HDAC9: variants seen among roughly 807,000 people sequenced by gnomAD.
HDAC9 encodes MEF-2 interacting transcription repressor (MITR) protein.
Under a neutral mutation model 139.4 loss-of-function variants are expected in HDAC9, and 41 were observed. That is an observed-to-expected ratio of 0.29 (90% CI 0.23 to 0.38). The LOEUF (loss-of-function observed/expected upper bound fraction) is 0.38, where lower values mean the gene tolerates loss of function less well. HDAC9 is among the 10% of genes least tolerant of loss of function. The pLI, the probability that HDAC9 is intolerant of heterozygous loss-of-function variation, is 1.00. For missense variants in HDAC9, 1,147 were observed against 1,297.0 expected, an observed-to-expected ratio of 0.88 and a Z score of 1.78; for synonymous variants, 517 against 476.2, an observed-to-expected ratio of 1.09 and a Z score of -1.12.
intron 22 of HDAC9, among the ~76,000 whole-genome samples, chr7:18,911,734 T>A (rs1182595497): frequency 6.6e-6 from 1 of 152,044 alleles, no homozygotes; most frequent in Non-Finnish European, 1.5e-5. Flanking sequence ...TAAATTTCCT[T>A]TTTAAATTCT....
At chr7:18,569,521 C>T (rs1346126971) in intron 2 of HDAC9, among the ~76,000 whole-genome samples, 3 of 152,120 alleles carry the variant, frequency 2.0e-5, no homozygotes, top group African/African-American at 4.8e-5. Context: ...AGACTGATAT[C>T]TCAGAGCTGT....
At chr7:18,406,482 C>G (rs1308112686) in intron 1 of HDAC9, among the ~76,000 whole-genome samples, 2 of 152,078 alleles carry the variant, frequency 1.3e-5, no homozygotes, top group African/African-American at 4.8e-5. Context: ...CAAGCTCCGC[C>G]TCCCGGGTTT....
At chr7:18,413,682 G>C (rs1585724362) in intron 1 of HDAC9, among the ~76,000 whole-genome samples, 2 of 152,190 alleles carry the variant, frequency 1.3e-5, no homozygotes, top group Admixed American at 6.5e-5. Context: ...TGTATACATA[G>C]AGGAATAGAT....
intron 23 of HDAC9, among the ~76,000 whole-genome samples, chr7:18,937,714 G>C (rs10242218): frequency 0.041 from 6,215 of 152,242 alleles, 400 homozygotes; most frequent in African/African-American, 0.14. Flanking sequence ...GCTTACACCA[G>C]ATGTGCAGAC....
At chr7:18,617,277 AT>A (rs1407027894) in intron 6 of HDAC9, among the ~76,000 whole-genome samples, 4 of 152,078 alleles carry the variant, frequency 2.6e-5, no homozygotes, top group African/African-American at 4.8e-5. Flanking sequence ...CTCTTCTGTT[AT>A]GTACAAGGCT....
At chr7:18,616,994 A>C (rs1201752633) in intron 6 of HDAC9, among the ~76,000 whole-genome samples, 1 of 152,226 alleles carries the variant, frequency 6.6e-6, no homozygotes, top group Non-Finnish European at 1.5e-5. Context: ...TGATTCCCTA[A>C]AGAAATAAAT....
intron 21 of HDAC9, among the ~76,000 whole-genome samples, chr7:18,848,199 G>C (rs948923771): frequency 6.6e-6 from 1 of 152,098 alleles, no homozygotes; most frequent in African/African-American, 2.4e-5. Flanking sequence ...TTTCCTAAGC[G>C]GAATTAAGGA....
chr7:18,104,245 ATT>A (rs10553931), intron 1 of HDAC9, among the ~76,000 whole-genome samples: 63,980 of 149,982 alleles, frequency 0.43, 15,463 homozygotes, highest in Non-Finnish European at 0.54. Context: ...CCATAATTGT[ATT>A]TTTTTTTTTG....
At chr7:18,182,915 G>C (rs1217810717) in intron 2 of HDAC9, among the ~76,000 whole-genome samples, 1 of 152,030 alleles carries the variant, frequency 6.6e-6, no homozygotes, top group Non-Finnish European at 1.5e-5. Flanking sequence ...AAAAACGGAA[G>C]AAAGAGAGAA....
At chr7:18,270,066 G>A (rs921158659) in intron 2 of HDAC9, among the ~76,000 whole-genome samples, 1 of 152,010 alleles carries the variant, frequency 6.6e-6, no homozygotes, top group Non-Finnish European at 1.5e-5. Flanking sequence ...TCTATCTACT[G>A]GCACACTCAG....
intron 2 of HDAC9, among the ~76,000 whole-genome samples, chr7:18,173,276 C>T (rs1788595654): frequency 6.6e-6 from 1 of 152,088 alleles, no homozygotes; most frequent in African/African-American, 2.4e-5. Flanking sequence ...ATTGCAACCC[C>T]TGTTTTCTTT....
intron 1 of HDAC9, among the ~76,000 whole-genome samples, chr7:18,374,115 A>G (rs896402314): frequency 5.9e-5 from 9 of 151,832 alleles, no homozygotes; most frequent in African/African-American, 2.2e-4. Flanking sequence ...TACTATGCAT[A>G]TATATCATAA....
rs143086186 is a variant in HDAC9 at position 18,461,504 on chromosome 7, G to C, written c.-41-34758G>C. Among the ~76,000 whole-genome samples, 28 of 152,226 alleles carry C rather than the reference G, an allele frequency of 1.8e-4. 1 individual carries two copies. In the East Asian group the frequency reaches 5.4e-3, roughly 29 times the overall value. On this transcript the variant is annotated intron_variant, in intron 1 of 3. Transcript: ENST00000413509. ...GTTTATAATATTGTAACCTGGTAGT[G>C]TGACATTTGCCCCTCATTTTGTTAG...
intron 13 of HDAC9, among the ~76,000 whole-genome samples, chr7:18,732,903 GTGTGCGTATGTGTAT>G (rs1786392768): frequency 1.1e-5 from 1 of 94,764 alleles, no homozygotes; most frequent in African/African-American, 4.4e-5. Context: ...ACACACACAC[GTGTGCGTATGTGTAT>G]ACACACGTGT....
chr7:18,902,370 A>AG (rs1401918093), intron 22 of HDAC9, among the ~76,000 whole-genome samples: 1 of 152,152 alleles, frequency 6.6e-6, no homozygotes, highest in Non-Finnish European at 1.5e-5. Context: ...GTGGAGGGGT[A>AG]GGGGAATGAA....
intron 12 of HDAC9, among the ~76,000 whole-genome samples, chr7:18,698,267 T>C (rs571283111): frequency 6.6e-6 from 1 of 152,320 alleles, no homozygotes; most frequent in East Asian, 1.9e-4. Context: ...TCATTCTTAA[T>C]GCTCTAAAAC....
At chr7:18,981,894 A>C (rs1301873767) in intron 25 of HDAC9, among the ~76,000 whole-genome samples, 2 of 152,154 alleles carry the variant, frequency 1.3e-5, no homozygotes, top group African/African-American at 4.8e-5. Context: ...ATGAACAATC[A>C]ACTATAATAA....
rs1329094665 is a variant in HDAC9 at position 18,704,394 on chromosome 7, C to T, written c.1732-23186C>T. Reference sequence around the variant, plus strand: ...AGTGACTTTAAGCATCAGCATTCTTCTGTGTACTGCAGAAAACTCTTATTG... The same window carrying T: ...AGTGACTTTAAGCATCAGCATTCTTTTGTGTACTGCAGAAAACTCTTATTG... On this transcript the variant is annotated intron_variant, in intron 12 of 25. Coordinates refer to ENST00000686413, the MANE Select transcript of HDAC9 (RefSeq NM_178425.4). Among the ~76,000 whole-genome samples, 4 of 152,204 alleles carry T rather than the reference C, an allele frequency of 2.6e-5. No homozygotes were observed. In the East Asian group the frequency reaches 5.8e-4, roughly 22 times the overall value.
chr7:18,089,301 G>T (rs1583970019), intron 1 of HDAC9, among the ~76,000 whole-genome samples: 1 of 152,206 alleles, frequency 6.6e-6, no homozygotes, highest in East Asian at 1.9e-4. Context: ...CCAGCACTCT[G>T]ACTAGAGAGT....
Sources: allele counts gnomAD v4.1 joint callset (sites outside exome capture counted in the v4.1 genomes callset), GRCh38; gene constraint gnomAD v4.1.1; transcripts MANE v1.5; gene names NCBI Gene and HGNC (gene_info 2026-07-23, HGNC 2026-07-21).